Variants in RAP1GAP2 observed in about 807,000 individuals in gnomAD.
RAP1GAP2 encodes rap1 GTPase-activating protein 2.
RAP1GAP2 carries 27 observed loss-of-function variants against 95.0 expected under a neutral mutation model. The ratio of observed to expected loss-of-function variants is 0.28; its 90% CI spans 0.21 to 0.39. The LOEUF is 0.39. Among genes scored for constraint, RAP1GAP2 ranks in the 10% least tolerant of loss-of-function variants. The pLI, the probability that RAP1GAP2 is intolerant of heterozygous loss-of-function variation, is 1.00. For missense variants in RAP1GAP2, 771 were observed against 970.0 expected, an observed-to-expected ratio of 0.79 and a Z score of 2.72; for synonymous variants, 373 against 380.9, an observed-to-expected ratio of 0.98 and a Z score of 0.24.
intron 1 of RAP1GAP2, among the ~76,000 whole-genome samples, chr17:2,780,836 T>C (rs1010885168): frequency 3.9e-5 from 6 of 152,380 alleles, no homozygotes; most frequent in Admixed American, 1.3e-4. Context: ...GGGCATCTCA[T>C]GGATGATACT....
rs552730017 is a variant in RAP1GAP2, at chr17:2,755,762, G to T, written c.45G>T (p.Val15=). 8.4e-6 allele frequency: 3 copies of T among 356,076 alleles called. No homozygotes were observed. The East Asian group carries it at 1.2e-4, about 15-fold the overall frequency. The allele number at this position is 356,076 out of a possible 1,614,324, so 22.1% of individuals were successfully genotyped here. A position where few individuals can be genotyped will look rare whatever the true frequency, so the allele number is the denominator to read the frequency against. ...CGGGGGAGAAGCGCTGGCAGCTGGTGCGCTGGTGAGTGGGCGCCGGGCGGC... is the reference window on the plus strand; with the variant it reads ...CGGGGGAGAAGCGCTGGCAGCTGGTTCGCTGGTGAGTGGGCGCCGGGCGGC... Residue 15 remains valine, a synonymous_variant, in exon 1 of 26, where the codon GTG becomes GTT. Coordinates refer to the RAP1GAP2 transcript ENST00000637138.
rs1475267891 is a variant in RAP1GAP2, at chr17:2,820,891, G to GTTTTTTTTTT, written c.80+20341_80+20342insTTTTTTTTTT. Among the ~76,000 whole-genome samples, 429 of 113,978 alleles carry GTTTTTTTTTT rather than the reference G, an allele frequency of 3.8e-3. 16 individuals carry two copies. The highest frequency in any genetic ancestry group is 0.012 in the African/African-American group (347 of 29,822). The allele number at this position is 113,978 out of a possible 152,430, so 74.8% of individuals were successfully genotyped here. A position where few individuals can be genotyped will look rare whatever the true frequency, so the allele number is the denominator to read the frequency against. ...TGCCCGCCACCACGGCCCGGATAAT[G>GTTTTTTTTTT]GTTTTTTTTTTTTTTTTTGTATTTT... is the stretch of plus-strand genomic sequence containing the variant. On this transcript the variant is annotated intron_variant, in intron 2 of 24. Coordinates refer to ENST00000254695, the MANE Select transcript of RAP1GAP2 (RefSeq NM_015085.5).
intron 2 of RAP1GAP2, among the ~76,000 whole-genome samples, chr17:2,868,246 T>C (rs1386574776): frequency 6.6e-6 from 1 of 152,148 alleles, no homozygotes; most frequent in Non-Finnish European, 1.5e-5. Flanking sequence ...AAGGGCTGGC[T>C]CTCTGCTATC....
rs183449972 is a variant in RAP1GAP2, at chr17:2,762,062, T to C, written c.50+6295T>C. Among the ~76,000 whole-genome samples the C allele has an allele frequency of 1.1e-3, 167 of 147,494 alleles. 1 individual carries two copies. The highest frequency in any genetic ancestry group is 5.7e-3 in the East Asian group (27 of 4,754). ...GGAGCACAGTGGTGCAATCTTGGCT[T>C]ACTGCAAGCTCCGCCTCCCAGGTTC... On this transcript the variant is annotated intron_variant, in intron 1 of 25. Transcript: ENST00000637138.
chr17:2,845,639 G>T (rs1053702640), intron 2 of RAP1GAP2, among the ~76,000 whole-genome samples: 2 of 149,090 alleles, frequency 1.3e-5, no homozygotes, highest in Admixed American at 1.3e-4. Flanking sequence ...GAGGCGGGCG[G>T]ATCATGAGGT....
Position 3,005,298 on chromosome 17 carries a change from G to A in RAP1GAP2, c.1201-71G>A. 7.1e-7 allele frequency: 1 copy of A among 1,416,200 alleles called. No homozygotes were observed. The highest frequency in any genetic ancestry group is 1.0e-6 in the Non-Finnish European group (1 of 999,686). The allele number at this position is 1,416,200 out of a possible 1,614,324, so 87.7% of individuals were successfully genotyped here. ...GGGAGAAGGTGAGTAGCTTTGTAAG[G>A]AGCGTGGCTCCCGTAGGGGCAGCGC... On this transcript the variant is annotated intron_variant, in intron 14 of 24. Coordinates refer to ENST00000254695, the MANE Select transcript of RAP1GAP2 (RefSeq NM_015085.5). This position sits in a 1 kb window ranked among gnomAD's most constrained non-coding sequence, Gnocchi z 5.2.
intron 2 of RAP1GAP2, among the ~76,000 whole-genome samples, chr17:2,889,911 A>C (rs2073648879): frequency 1.3e-5 from 1 of 77,270 alleles, no homozygotes; most frequent in Non-Finnish European, 2.5e-5. Context: ...TTTTGTAGAG[A>C]TGGGTTTTCC....
chr17:2,847,423 A>G (rs1197741279), intron 2 of RAP1GAP2, among the ~76,000 whole-genome samples: 1 of 152,182 alleles, frequency 6.6e-6, no homozygotes, highest in Non-Finnish European at 1.5e-5. Context: ...TTGCTACCCA[A>G]AGCCCTAGTC....
intron 3 of RAP1GAP2, among the ~76,000 whole-genome samples, chr17:2,930,754 A>G (rs1054242698): frequency 6.6e-6 from 1 of 152,246 alleles, no homozygotes; most frequent in Non-Finnish European, 1.5e-5. Flanking sequence ...ACCACAGGAC[A>G]GGCAAATTAG....
rs547410331 is a variant in RAP1GAP2 at position 3,035,223 on chromosome 17, C to G, written c.*1862C>G. On this transcript the variant is annotated 3_prime_UTR_variant, in exon 25 of 25. Coordinates refer to ENST00000254695, the MANE Select transcript of RAP1GAP2 (RefSeq NM_015085.5). This position sits in a 1 kb window ranked among gnomAD's most constrained non-coding sequence, Gnocchi z 4.3. ...TGAAGAGTCACCGTAGCAGCCCCCACGGCTGGAAAGAGGCCTGTACGTTCT... is the reference window on the plus strand; with the variant it reads ...TGAAGAGTCACCGTAGCAGCCCCCAGGGCTGGAAAGAGGCCTGTACGTTCT... 6.6e-6 allele frequency: 1 copy of G among 152,574 alleles called. No homozygotes were observed. Among genetic ancestry groups the G allele is most frequent in the South Asian group, 2.1e-4 (1 of 4,830 alleles). 9.5% of individuals were successfully genotyped at this position (152,574 alleles called of 1,614,324 possible). A position where few individuals can be genotyped will look rare whatever the true frequency, so the allele number is the denominator to read the frequency against.
chr17:2,850,225 C>T (rs186623829), intron 2 of RAP1GAP2, among the ~76,000 whole-genome samples: 3 of 150,842 alleles, frequency 2.0e-5, no homozygotes, highest in Non-Finnish European at 4.4e-5. Flanking sequence ...TGGTCTCGAT[C>T]TCCTGACCTC....
chr17:2,784,698 G>C (rs2068734841), intron 1 of RAP1GAP2, among the ~76,000 whole-genome samples: 1 of 152,238 alleles, frequency 6.6e-6, no homozygotes. Flanking sequence ...ACTGTGCAGA[G>C]CCCTGCTGAG....
chr17:2,911,372 G>C (rs928355685), intron 3 of RAP1GAP2, among the ~76,000 whole-genome samples: 1 of 151,582 alleles, frequency 6.6e-6, no homozygotes, highest in South Asian at 2.1e-4. Context: ...CTGGTGCCGG[G>C]TGGGCTGGGA....
rs1219935917 is a variant in RAP1GAP2 at position 2,963,864 on chromosome 17, G to A, written c.288G>A (p.Glu96=). ...IPYPSIDEVV[E]KGGPYPQVIL... ...CCTCCCTCTGCCTTCAGGTTGTGGA[G>A]AAGGGAGGCCCGTACCCTCAGGTCA... The change falls in exon 7 of 25, where the codon GAG becomes GAA. Residue 96 remains glutamate, a synonymous_variant. Transcript: ENST00000254695. This position sits in a 1 kb window ranked among gnomAD's most constrained non-coding sequence, Gnocchi z 4.8. The A allele has an allele frequency of 6.2e-7, 1 of 1,603,696 alleles. No individual in the cohort carries two copies. Among genetic ancestry groups the A allele is most frequent in the Non-Finnish European group, 8.5e-7 (1 of 1,175,084 alleles).
chr17:2,905,582 T>C (rs1163857750), intron 3 of RAP1GAP2, among the ~76,000 whole-genome samples: 2 of 151,942 alleles, frequency 1.3e-5, no homozygotes, highest in Non-Finnish European at 2.9e-5. Context: ...GGTGAGGACA[T>C]TGGGGTTGAA....
chr17:2,839,308 T>A (rs1373025136), intron 2 of RAP1GAP2, among the ~76,000 whole-genome samples: 1 of 151,358 alleles, frequency 6.6e-6, no homozygotes, highest in African/African-American at 2.4e-5. Context: ...AGACTCTGTC[T>A]TAATAATAAA....
chr17:2,800,860 T>C (rs1244699850), intron 2 of RAP1GAP2, among the ~76,000 whole-genome samples: 3 of 150,086 alleles, frequency 2.0e-5, no homozygotes, highest in South Asian at 2.1e-4. Flanking sequence ...TCTTTCTTTT[T>C]TTTTTTTTGA....
Position 2,798,146 on chromosome 17 carries a change from G to A in RAP1GAP2, c.44+1575G>A, listed in dbSNP as rs1274215756. On this transcript the variant is annotated intron_variant, in intron 1 of 24. Transcript: ENST00000254695. Reference sequence around the variant, plus strand: ...CAGAATTCCAAGTTCTTCTCTAGCAGCCCTTCTCACTGGGGCTTCCTTAAT... The same window carrying A: ...CAGAATTCCAAGTTCTTCTCTAGCAACCCTTCTCACTGGGGCTTCCTTAAT... 2.6e-5 allele frequency among the ~76,000 whole-genome samples: 4 copies of A among 152,206 alleles called. No individual in the cohort carries two copies. The East Asian group carries it at 7.7e-4, about 29-fold the overall frequency.
In RAP1GAP2 at chr17:2,970,288, A is replaced by AT. The variant is rs1555582381; in HGVS notation, c.596+4645_596+4646insT. Among the ~76,000 whole-genome samples, 167 of 144,192 alleles carry AT rather than the reference A, an allele frequency of 1.2e-3. 1 individual carries two copies. Among genetic ancestry groups the AT allele is most frequent in the African/African-American group, 4.1e-3 (148 of 35,668 alleles). 94.6% of individuals were successfully genotyped at this position (144,192 alleles called of 152,430 possible). On this transcript the variant is annotated intron_variant, in intron 8 of 24. Transcript: ENST00000254695. ...GACTCTGTCTCAAAAAAAAAAAAAA[A>AT]AAAAAAAATAATAATAATACGTCCC...
Sources: allele counts gnomAD v4.1 joint callset (sites outside exome capture counted in the v4.1 genomes callset), GRCh38; gene constraint gnomAD v4.1.1; non-coding constraint Gnocchi (gnomAD v3.1); transcripts MANE v1.5; gene names NCBI Gene and HGNC (gene_info 2026-07-23, HGNC 2026-07-21).